Variants in TUSC3 observed in about 807,000 individuals in gnomAD.
TUSC3 encodes the protein dolichyl-diphosphooligosaccharide--protein glycosyltransferase subunit TUSC3.
TUSC3 carries 45 observed loss-of-function variants against 44.8 expected under a neutral mutation model. The observed-to-expected ratio is 1.00, with a 90% CI of 0.79 to 1.29. TUSC3 has a LOEUF of 1.29. Ranked by LOEUF, TUSC3 falls within the 50% of genes most tolerant of loss-of-function variation. The probability of loss-of-function intolerance (pLI) is 0.00; values close to 1 mark genes in which losing one functional copy is unlikely to be tolerated. For synonymous variants in TUSC3, 212 were observed against 152.9 expected, an observed-to-expected ratio of 1.39 and a Z score of -2.85; for missense variants, 519 against 437.9, an observed-to-expected ratio of 1.19 and a Z score of -1.65.
At chr8:15,776,092 C>T in the TUSC3 span, among the ~76,000 whole-genome samples, 1 of 152,014 alleles carries the variant, frequency 6.6e-6, no homozygotes, top group Admixed American at 6.6e-5. Context: ...AAAGCACTGG[C>T]ATCTTATCAT....
Position 15,573,771 on chromosome 8 carries a change from G to T in TUSC3, c.138+33203G>T, listed in dbSNP as rs111858357. Among the ~76,000 whole-genome samples, 822 of 152,180 alleles carry T rather than the reference G, an allele frequency of 5.4e-3. 10 individuals are homozygous for T. Among genetic ancestry groups the T allele is most frequent in the African/African-American group, 0.019 (793 of 41,518 alleles). On this transcript the variant is annotated intron_variant, in intron 1 of 10. Coordinates refer to ENST00000503731, the MANE Select transcript of TUSC3 (RefSeq NM_006765.4). Reference sequence around the variant, plus strand: ...CCTCAGGGAAGCCCTGCTTCTGAAGGCTGATTTTTTTTAATGCTAACATCA... The same window carrying T: ...CCTCAGGGAAGCCCTGCTTCTGAAGTCTGATTTTTTTTAATGCTAACATCA...
At chr8:15,540,665 C>T (rs572159871) in intron 1 of TUSC3, 97 bp downstream of exon 1, 14 of 1,411,090 alleles carry the variant, frequency 9.9e-6, no homozygotes, top group South Asian at 9.5e-5. Context: ...GCAGCCTGGT[C>T]GCCGGCGTGG....
intron 1 of TUSC3, among the ~76,000 whole-genome samples, chr8:15,582,310 T>C (rs1376112815): frequency 6.6e-6 from 1 of 152,224 alleles, no homozygotes; most frequent in Admixed American, 6.5e-5. Flanking sequence ...GAGCTGTTCC[T>C]GTTCAGCCAT....
intron 6 of TUSC3, among the ~76,000 whole-genome samples, chr8:15,725,687 A>G (rs1423277072): frequency 6.6e-6 from 1 of 152,174 alleles, no homozygotes; most frequent in East Asian, 1.9e-4. Context: ...TTTTACATGT[A>G]TTATCAATTC....
chr8:15,605,624 A>T (rs183706042), intron 1 of TUSC3, among the ~76,000 whole-genome samples: 2 of 152,046 alleles, frequency 1.3e-5, no homozygotes, highest in East Asian at 3.9e-4. Context: ...AAAATGGAGA[A>T]AAAAGTCTGT....
At chr8:15,845,833 A>G in the TUSC3 span, among the ~76,000 whole-genome samples, 59 of 152,264 alleles carry the variant, frequency 3.9e-4, no homozygotes, top group South Asian at 6.0e-3. Context: ...TAACAGAATT[A>G]CAAAACTGCT....
chr8:15,723,847 A>G (rs980241099), intron 6 of TUSC3, among the ~76,000 whole-genome samples: 3 of 152,164 alleles, frequency 2.0e-5, no homozygotes, highest in African/African-American at 7.2e-5. Flanking sequence ...ATTTTAGCAC[A>G]CAAAGGAGAC....
intron 1 of TUSC3, among the ~76,000 whole-genome samples, chr8:15,465,632 T>C (rs1033931220): frequency 3.3e-5 from 5 of 152,228 alleles, no homozygotes; most frequent in Non-Finnish European, 4.4e-5. Flanking sequence ...TATAAAAGGC[T>C]TAATTTTCAG....
intron 2 of TUSC3, among the ~76,000 whole-genome samples, chr8:15,523,708 G>GTGTA (rs1432979639): frequency 3.6e-5 from 4 of 112,498 alleles, no homozygotes; most frequent in African/African-American, 1.6e-4. Flanking sequence ...GTGTGTGTGT[G>GTGTA]TATATATATA....
chr8:15,677,791 G>C (rs1335523559), intron 6 of TUSC3, among the ~76,000 whole-genome samples: 1 of 152,196 alleles, frequency 6.6e-6, no homozygotes, highest in Non-Finnish European at 1.5e-5. Flanking sequence ...GGAGTAGTAA[G>C]ATAGGCAGAT....
In TUSC3 at chr8:15,529,157, C is replaced by G. The variant is rs1443627939; in HGVS notation, n.189+45674C>G. On this transcript the variant is annotated intron_variant and non_coding_transcript_variant, in intron 2 of 5. Transcript: ENST00000503191. ...TCTTTAAATATCCGAAGCACAAACA[C>G]AAGTTCTAAAATGCAATCGCACAGG... is the stretch of plus-strand genomic sequence containing the variant. Among the ~76,000 whole-genome samples, 8 of 152,236 alleles carry G rather than the reference C, an allele frequency of 5.3e-5. No homozygotes were observed. The East Asian group carries it at 1.5e-3, about 29-fold the overall frequency.
At chr8:15,515,314 C>A (rs1801202505) in intron 2 of TUSC3, among the ~76,000 whole-genome samples, 1 of 152,062 alleles carries the variant, frequency 6.6e-6, no homozygotes, top group Non-Finnish European at 1.5e-5. Context: ...AACAATACTA[C>A]CAAAATTAAA....
At chr8:15,599,248 A>C (rs1451052671) in intron 1 of TUSC3, among the ~76,000 whole-genome samples, 2 of 151,766 alleles carry the variant, frequency 1.3e-5, no homozygotes, top group African/African-American at 2.4e-5. Context: ...ATGTCTCTTA[A>C]GGTCTTTGGC....
At chr8:15,587,483 T>C (rs1287623123) in intron 1 of TUSC3, among the ~76,000 whole-genome samples, 1 of 152,160 alleles carries the variant, frequency 6.6e-6, no homozygotes, top group African/African-American at 2.4e-5. Context: ...CGGAGTGATA[T>C]TTCCATGTAT....
intron 6 of TUSC3, among the ~76,000 whole-genome samples, chr8:15,704,614 A>G (rs1223864592): frequency 2.0e-5 from 3 of 147,552 alleles, no homozygotes; most frequent in Non-Finnish European, 4.5e-5. Context: ...CACAGAACAC[A>G]TAAATACCAA....
At chr8:15,595,460 G>C (rs904623117) in intron 1 of TUSC3, among the ~76,000 whole-genome samples, 9 of 152,276 alleles carry the variant, frequency 5.9e-5, no homozygotes, top group African/African-American at 2.2e-4. Flanking sequence ...TCTCAAGGGA[G>C]TAGGGTGGAA....
At chr8:15,701,222 T>C (rs767713454) in intron 6 of TUSC3, among the ~76,000 whole-genome samples, 70 of 152,140 alleles carry the variant, frequency 4.6e-4, no homozygotes, top group Non-Finnish European at 9.0e-4. Flanking sequence ...ACCTTTTTAT[T>C]CCCCCACAAA....
At chr8:15,655,742 C>G (rs568727115) in intron 3 of TUSC3, among the ~76,000 whole-genome samples, 1 of 152,302 alleles carries the variant, frequency 6.6e-6, no homozygotes, top group South Asian at 2.1e-4. Context: ...CCACTGCTAA[C>G]ACTAATATAT....
chr8:15,828,137 G>A, the TUSC3 span, among the ~76,000 whole-genome samples: 2 of 152,068 alleles, frequency 1.3e-5, no homozygotes, highest in African/African-American at 4.8e-5. Context: ...TGGGATTACA[G>A]GCATGCACCA....
Sources: gnomAD v4.1 joint callset for allele counts (sites outside exome capture counted in the v4.1 genomes callset) on GRCh38, gnomAD v4.1.1 for gene constraint, MANE v1.5 for transcripts, NCBI Gene and HGNC (gene_info 2026-07-23, HGNC 2026-07-21) for gene names.